The following SCFD2 variants were observed in gnomAD, a reference collection of about 807,000 sequenced individuals.
SCFD2 encodes sec1 family domain-containing protein 2.
A neutral mutation model predicts 58.9 loss-of-function variants in SCFD2; 54 were observed. The observed-to-expected ratio is 0.92, with a 90% CI of 0.74 to 1.15. SCFD2 has a LOEUF of 1.15. Ranked by LOEUF, SCFD2 falls within the 50% of genes most tolerant of loss-of-function variation. The pLI is 0.00. For missense variants in SCFD2, 805 were observed against 836.6 expected, an observed-to-expected ratio of 0.96 and a Z score of 0.47; for synonymous variants, 321 against 335.9, an observed-to-expected ratio of 0.96 and a Z score of 0.49.
At chr4:53,086,925 T>C (rs1164416763) in intron 5 of SCFD2, among the ~76,000 whole-genome samples, 1 of 151,978 alleles carries the variant, frequency 6.6e-6, no homozygotes, top group African/African-American at 2.4e-5. Flanking sequence ...ATGGTTAATA[T>C]GTAGGAAAAA....
At chr4:53,129,433 A>C (rs189195241) in intron 5 of SCFD2, among the ~76,000 whole-genome samples, 222 of 152,322 alleles carry the variant, frequency 1.5e-3, no homozygotes, top group Non-Finnish European at 2.7e-3. Context: ...TTTAAAACTA[A>C]ATTTTAAAAT....
At chr4:52,891,761 T>C (rs961624043) in intron 7 of SCFD2, among the ~76,000 whole-genome samples, 1 of 152,276 alleles carries the variant, frequency 6.6e-6, no homozygotes, top group African/African-American at 2.4e-5. Context: ...GCAAAAGGTT[T>C]CCATGCTGCT....
intron 4 of SCFD2, among the ~76,000 whole-genome samples, chr4:53,207,560 AAT>A (rs1553886497): frequency 1.1e-5 from 1 of 94,084 alleles, no homozygotes; most frequent in East Asian, 2.9e-4. Context: ...ATTTATATAT[AAT>A]ATATATAATA....
intron 5 of SCFD2, among the ~76,000 whole-genome samples, chr4:53,090,819 A>G (rs1450496029): frequency 6.6e-6 from 1 of 152,142 alleles, no homozygotes; most frequent in East Asian, 1.9e-4. Context: ...AGCTTCATAT[A>G]TATTCTCTCT....
intron 2 of SCFD2, among the ~76,000 whole-genome samples, chr4:53,347,700 A>T (rs983272042): frequency 1.3e-5 from 2 of 152,232 alleles, no homozygotes; most frequent in Non-Finnish European, 2.9e-5. Flanking sequence ...AATTGGAAGG[A>T]CAGCAAGGAA....
intron 3 of SCFD2, among the ~76,000 whole-genome samples, chr4:53,294,329 C>T (rs1210012949): frequency 9.2e-5 from 14 of 152,220 alleles, no homozygotes; most frequent in African/African-American, 3.1e-4. Flanking sequence ...TTTTAATGAT[C>T]GCCATTCTAA....
intron 5 of SCFD2, among the ~76,000 whole-genome samples, chr4:52,958,357 A>G (rs1720758606): frequency 6.6e-6 from 1 of 152,232 alleles, no homozygotes; most frequent in African/African-American, 2.4e-5. Flanking sequence ...GAAGGAAAGA[A>G]TTAACTGGGC....
intron 5 of SCFD2, among the ~76,000 whole-genome samples, chr4:53,044,913 C>CA (rs1442160466): frequency 2.9e-4 from 3 of 10,352 alleles, no homozygotes; most frequent in South Asian, 0.012. Context: ...CCAACCCCCC[C>CA]CCCCCGCCCA....
intron 4 of SCFD2, among the ~76,000 whole-genome samples, chr4:53,235,578 A>G (rs566086498): frequency 6.6e-6 from 1 of 152,338 alleles, no homozygotes; most frequent in East Asian, 1.9e-4. Context: ...GTAAATATAA[A>G]ACAACAGTGG....
At chr4:53,052,215 C>T (rs2148832876) in intron 5 of SCFD2, among the ~76,000 whole-genome samples, 1 of 152,308 alleles carries the variant, frequency 6.6e-6, no homozygotes, top group South Asian at 2.1e-4. Flanking sequence ...CTCTTCACTC[C>T]AGATACACTA....
chr4:53,291,729 ATAC>A (rs745686066), intron 3 of SCFD2, among the ~76,000 whole-genome samples: 3 of 152,192 alleles, frequency 2.0e-5, no homozygotes, highest in Non-Finnish European at 2.9e-5. Context: ...ACTTCAAACT[ATAC>A]TACAAGGCTA....
chr4:53,111,171 C>T (rs1725159275), intron 5 of SCFD2, among the ~76,000 whole-genome samples: 2 of 151,946 alleles, frequency 1.3e-5, no homozygotes, highest in Admixed American at 1.3e-4. Context: ...GAACATCATA[C>T]ACCGGGGCCT....
intron 4 of SCFD2, among the ~76,000 whole-genome samples, chr4:53,242,314 A>G (rs140742886): frequency 6.6e-6 from 1 of 152,354 alleles, no homozygotes; most frequent in African/African-American, 2.4e-5. Flanking sequence ...GAACAAAGCC[A>G]GTGCCAATAC....
intron 3 of SCFD2, among the ~76,000 whole-genome samples, chr4:53,275,884 T>C (rs1731311556): frequency 6.6e-6 from 1 of 152,226 alleles, no homozygotes; most frequent in Admixed American, 6.5e-5. Context: ...TGCTGAGTGA[T>C]ATTTCATTGT....
At chr4:52,946,175 A>AT (rs1465301518) in intron 5 of SCFD2, among the ~76,000 whole-genome samples, 6 of 152,142 alleles carry the variant, frequency 3.9e-5, no homozygotes, top group Non-Finnish European at 2.9e-5. Context: ...AGGGATCTGC[A>AT]TTTTTAATAC....
At chr4:53,179,612 C>A (rs1727471629) in intron 4 of SCFD2, among the ~76,000 whole-genome samples, 3 of 152,138 alleles carry the variant, frequency 2.0e-5, no homozygotes, top group South Asian at 4.1e-4. Flanking sequence ...AAATAACCAG[C>A]TAACATCATA....
At chr4:53,343,634 G>C (rs903030858) in intron 2 of SCFD2, among the ~76,000 whole-genome samples, 1 of 152,040 alleles carries the variant, frequency 6.6e-6, no homozygotes, top group African/African-American at 2.4e-5. Flanking sequence ...ATTAAAGCCG[G>C]GCATAGACAC....
intron 5 of SCFD2, among the ~76,000 whole-genome samples, chr4:52,938,284 G>A (rs301095): frequency 0.07 from 10,652 of 152,160 alleles, 1,232 homozygotes; most frequent in African/African-American, 0.24. Context: ...TGAGTAACTT[G>A]CCTAAGGCCA....
chr4:53,187,550 C>A (rs571903295), intron 4 of SCFD2, among the ~76,000 whole-genome samples: 78 of 152,180 alleles, frequency 5.1e-4, no homozygotes, highest in Non-Finnish European at 1.0e-3. Context: ...CTAGACATAA[C>A]CTAGTGATCT....
Sources: gnomAD v4.1 joint callset for allele counts (sites outside exome capture counted in the v4.1 genomes callset) on GRCh38, gnomAD v4.1.1 for gene constraint, MANE v1.5 for transcripts, NCBI Gene and HGNC (gene_info 2026-07-23, HGNC 2026-07-21) for gene names.